Variants in GADL1 observed in about 807,000 individuals in gnomAD.
GADL1 encodes the protein acidic amino acid decarboxylase GADL1.
GADL1 carries 71 observed loss-of-function variants against 69.5 expected under a neutral mutation model. That is an observed-to-expected ratio of 1.02 (90% CI 0.84 to 1.25). GADL1 has a LOEUF of 1.25. Among genes scored for constraint, GADL1 ranks in the 50% most tolerant of loss-of-function variants. The pLI, the probability that GADL1 is intolerant of heterozygous loss-of-function variation, is 0.00. For synonymous variants in GADL1, 254 were observed against 214.4 expected (o/e 1.18, Z -1.62); for missense variants, 737 against 631.8 (o/e 1.17, Z -1.79).
chr3:30,728,812 C>T (rs924837132), intron 14 of GADL1, among the ~76,000 whole-genome samples: 8 of 152,046 alleles, frequency 5.3e-5, no homozygotes, highest in African/African-American at 1.9e-4. Context: ...CAGTCTCATT[C>T]TCAAATTTGT....
At chr3:30,871,559 A>G (rs1163506550) in intron 1 of GADL1, among the ~76,000 whole-genome samples, 1 of 151,866 alleles carries the variant, frequency 6.6e-6, no homozygotes, top group Non-Finnish European at 1.5e-5. Context: ...AAAAAGTGAC[A>G]GAATAAGATG....
intron 2 of GADL1, among the ~76,000 whole-genome samples, chr3:30,859,053 G>T (rs531679247): frequency 6.9e-4 from 105 of 152,130 alleles, no homozygotes; most frequent in African/African-American, 2.2e-3. Context: ...CAACAAGGAG[G>T]TGTTCTTGGC....
Position 30,786,339 on chromosome 3 carries a change from T to C in GADL1, c.1302+16A>G, listed in dbSNP as rs1371970770. ...TTAACTGACAAAATCACAAGCACAA[T>C]TATGCAATCACTTACTTCCATCAGT... On this transcript the variant is annotated intron_variant, in intron 13 of 14. Coordinates refer to ENST00000282538, the MANE Select transcript of GADL1 (RefSeq NM_207359.3). The C allele has an allele frequency of 4.6e-6, 7 of 1,511,088 alleles. No homozygotes were observed. The highest frequency in any genetic ancestry group is 3.3e-5 in the Admixed American group (2 of 59,772). The allele number at this position is 1,511,088 out of a possible 1,614,324, so 93.6% of individuals were successfully genotyped here.
intron 14 of GADL1, among the ~76,000 whole-genome samples, chr3:30,754,360 C>T (rs1003663329): frequency 2.4e-5 from 3 of 124,322 alleles, no homozygotes; most frequent in Non-Finnish European, 1.7e-5. Context: ...TCTTAGCTTC[C>T]TTCAGGAAAG....
intron 1 of GADL1, among the ~76,000 whole-genome samples, chr3:30,893,623 T>C (rs1698814910): frequency 6.6e-6 from 1 of 152,156 alleles, no homozygotes; most frequent in Non-Finnish European, 1.5e-5. Context: ...ATAATGATAG[T>C]ACAAGTTTTA....
chr3:30,769,936 G>A, intron 14 of GADL1, among the ~76,000 whole-genome samples: 1 of 43,960 alleles, frequency 2.3e-5, no homozygotes, highest in African/African-American at 2.5e-4. Context: ...GACGAATTTA[G>A]GTAAGATATT....
At chr3:30,876,065 A>G (rs1698572802) in intron 1 of GADL1, among the ~76,000 whole-genome samples, 1 of 151,988 alleles carries the variant, frequency 6.6e-6, no homozygotes, top group African/African-American at 2.4e-5. Context: ...TTCCTGCTAC[A>G]ATTGTGTGTA....
intron 4 of GADL1, among the ~76,000 whole-genome samples, chr3:30,851,638 G>A (rs983888249): frequency 2.7e-5 from 4 of 146,302 alleles, no homozygotes; most frequent in African/African-American, 5.4e-5. Context: ...TCTTGTGGTG[G>A]TCTACACCTG....
Position 30,747,611 on chromosome 3 carries a change from T to C in GADL1, c.1393-19196A>G, listed in dbSNP as rs529285314. Among the ~76,000 whole-genome samples, 10 of 151,142 alleles carry C rather than the reference T, an allele frequency of 6.6e-5. No individual in the cohort carries two copies. In the East Asian group the frequency reaches 2.0e-3, roughly 30 times the overall value. On this transcript the variant is annotated intron_variant, in intron 14 of 14. Transcript: ENST00000282538. ...TTCTGAATCAAATGGATTTTTAGTT[T>C]GTTTGTTTGTTTGTTTGCTTTTAAA... is the stretch of plus-strand genomic sequence containing the variant.
At chr3:30,752,352 T>C (rs1047302433) in intron 14 of GADL1, among the ~76,000 whole-genome samples, 4 of 151,832 alleles carry the variant, frequency 2.6e-5, no homozygotes, top group Admixed American at 6.6e-5. Flanking sequence ...GGGTGCAGTT[T>C]AAGCACAATC....
chr3:30,882,234 CA>C (rs1698653336), intron 1 of GADL1, among the ~76,000 whole-genome samples: 1 of 151,762 alleles, frequency 6.6e-6, no homozygotes, highest in Admixed American at 6.6e-5. Context: ...AGTATATTCA[CA>C]TTGTTTATTT....
chr3:30,878,816 C>T (rs541804282), intron 1 of GADL1, among the ~76,000 whole-genome samples: 2 of 151,942 alleles, frequency 1.3e-5, no homozygotes, highest in South Asian at 4.2e-4. Context: ...TTTAATTAAT[C>T]CTGTCTTCCA....
intron 1 of GADL1, among the ~76,000 whole-genome samples, chr3:30,889,883 T>C (rs1698764048): frequency 6.6e-6 from 1 of 152,180 alleles, no homozygotes; most frequent in Admixed American, 6.5e-5. Context: ...AATTCCTACA[T>C]AAGAATCAGA....
intron 9 of GADL1, among the ~76,000 whole-genome samples, chr3:30,837,070 TA>T (rs1372191125): frequency 5.9e-5 from 9 of 152,064 alleles, no homozygotes; most frequent in African/African-American, 2.2e-4. Context: ...TTAGAATTAA[TA>T]AAACATGGTA....
intron 11 of GADL1, among the ~76,000 whole-genome samples, chr3:30,808,218 G>T (rs72849832): frequency 6.6e-6 from 1 of 151,396 alleles, no homozygotes; most frequent in Non-Finnish European, 1.5e-5. Context: ...TGAACCGGCC[G>T]GGCCCAGTGG....
At chr3:30,884,635 A>G (rs533012962) in intron 1 of GADL1, among the ~76,000 whole-genome samples, 5 of 152,062 alleles carry the variant, frequency 3.3e-5, no homozygotes, top group Admixed American at 1.3e-4. Flanking sequence ...GCCCTTTTTC[A>G]GTTACACTAT....
At chr3:30,852,893 G>A (rs994612563) in intron 4 of GADL1, among the ~76,000 whole-genome samples, 29 of 152,070 alleles carry the variant, frequency 1.9e-4, no homozygotes, top group Admixed American at 1.5e-3. Context: ...TAATTTTACT[G>A]TCTCTCCTGA....
chr3:30,786,368 T>C lies in GADL1; in HGVS notation c.1289A>G (p.Lys430Arg). The part of the protein sequence containing the change: ...VDEIKKREGF[K>R]LLMEPEYANI... Reference sequence around the variant, plus strand: ...GCAATCACTTACTTCCATCAGTAACTTGAATCCTTCTCTTTTCTTGATTTC... The same window carrying C: ...GCAATCACTTACTTCCATCAGTAACCTGAATCCTTCTCTTTTCTTGATTTC... Residue 430 changes from lysine to arginine, a missense_variant, in exon 13 of 15, where the codon AAG (lysine) becomes AGG (arginine). Physicochemically the swap from Lys to Arg is conservative, Grantham distance 26. Transcript: ENST00000282538. The C allele has an allele frequency of 6.4e-7, 1 of 1,561,992 alleles. No homozygotes were observed. Among genetic ancestry groups the C allele is most frequent in the Non-Finnish European group, 8.8e-7 (1 of 1,133,860 alleles).
chr3:30,878,401 T>A (rs929994963), intron 1 of GADL1, among the ~76,000 whole-genome samples: 1 of 151,916 alleles, frequency 6.6e-6, no homozygotes, highest in Non-Finnish European at 1.5e-5. Flanking sequence ...CATGAGCAAG[T>A]AGTCTTTTTG....
Sources: gnomAD v4.1 joint callset for allele counts (sites outside exome capture counted in the v4.1 genomes callset) on GRCh38, gnomAD v4.1.1 for gene constraint, MANE v1.5 for transcripts, NCBI Gene and HGNC (gene_info 2026-07-23, HGNC 2026-07-21) for gene names.